The following AFG1L variants were observed in gnomAD, a reference collection of about 807,000 sequenced individuals.
AFG1L encodes AFG1 like ATPase.
In AFG1L, 53 loss-of-function variants were observed where a neutral mutation model predicts 62.2. The observed-to-expected ratio is 0.85, with a 90% CI of 0.68 to 1.07. The LOEUF (loss-of-function observed/expected upper bound fraction) is 1.07, where lower values mean the gene tolerates loss of function less well. Among genes scored for constraint, AFG1L ranks in the 50% least tolerant of loss-of-function variants. The probability of loss-of-function intolerance (pLI) is 0.00; values close to 1 mark genes in which losing one functional copy is unlikely to be tolerated. For synonymous variants in AFG1L, 228 were observed against 210.3 expected (o/e 1.08, Z -0.73); for missense variants, 555 against 590.5 (o/e 0.94, Z 0.62).
chr6:108,514,963 A>G (rs1774818492), intron 11 of AFG1L, among the ~76,000 whole-genome samples: 1 of 152,320 alleles, frequency 6.6e-6, no homozygotes, highest in Non-Finnish European at 1.5e-5. Context: ...CTAAATATAT[A>G]TGCACCCAAT....
intron 1 of AFG1L, among the ~76,000 whole-genome samples, chr6:108,313,072 T>G (rs553085358): frequency 9.8e-5 from 15 of 152,298 alleles, no homozygotes; most frequent in African/African-American, 3.6e-4. Flanking sequence ...AGAAGCTAAC[T>G]TCCCCATTAG....
chr6:108,417,289 A>AC lies in AFG1L; in HGVS notation c.807+15235_807+15236insC, dbSNP rs1562147803. ...ACGCACACACACACACACACACACA[A>AC]AAAAAAAACGGGGAAAAAAAGAAAA... On this transcript the variant is annotated intron_variant, in intron 7 of 12. Coordinates refer to ENST00000368977, the MANE Select transcript of AFG1L (RefSeq NM_145315.5). Among the ~76,000 whole-genome samples, 55 of 122,104 alleles carry AC rather than the reference A, an allele frequency of 4.5e-4. No homozygotes were observed. In the East Asian group the frequency reaches 4.9e-3, roughly 11 times the overall value. 80.1% of individuals were successfully genotyped at this position (122,104 alleles called of 152,430 possible). A position where few individuals can be genotyped will look rare whatever the true frequency, so the allele number is the denominator to read the frequency against.
intron 7 of AFG1L, among the ~76,000 whole-genome samples, chr6:108,402,599 GA>G (rs1408248247): frequency 6.6e-6 from 1 of 151,578 alleles, no homozygotes; most frequent in Non-Finnish European, 1.5e-5. Context: ...TGTGTACACT[GA>G]AAAAATTACA....
chr6:108,488,384 A>G (rs914517003), intron 10 of AFG1L, among the ~76,000 whole-genome samples: 4 of 152,182 alleles, frequency 2.6e-5, no homozygotes, highest in Admixed American at 1.3e-4. Flanking sequence ...CCAGAATGCT[A>G]TGGATGATCG....
At chr6:108,367,473 A>G (rs985425904) in intron 6 of AFG1L, among the ~76,000 whole-genome samples, 1 of 152,130 alleles carries the variant, frequency 6.6e-6, no homozygotes, top group Non-Finnish European at 1.5e-5. Flanking sequence ...TGGATGTACT[A>G]TATAGGCAGA....
At chr6:108,461,268 G>A (rs1269219162) in intron 8 of AFG1L, among the ~76,000 whole-genome samples, 1 of 152,206 alleles carries the variant, frequency 6.6e-6, no homozygotes, top group Non-Finnish European at 1.5e-5. Context: ...GAAGGGCTCT[G>A]TGGTGGGGAA....
At chr6:108,489,180 T>TAA (rs1773682857) in intron 10 of AFG1L, among the ~76,000 whole-genome samples, 1 of 152,104 alleles carries the variant, frequency 6.6e-6, no homozygotes, top group Non-Finnish European at 1.5e-5. Flanking sequence ...AAACCTGCTG[T>TAA]TTTTAGCTCG....
intron 1 of AFG1L, among the ~76,000 whole-genome samples, chr6:108,301,386 C>T (rs1222881961): frequency 6.6e-6 from 1 of 152,160 alleles, no homozygotes; most frequent in Non-Finnish European, 1.5e-5. Context: ...TCCCCCCACT[C>T]CCTTTTACAA....
At chr6:108,315,958 G>A (rs1221578478) in intron 1 of AFG1L, among the ~76,000 whole-genome samples, 2 of 152,090 alleles carry the variant, frequency 1.3e-5, no homozygotes. Context: ...GGAGGGGAAG[G>A]ATAGCTTGAG....
chr6:108,398,912 A>G (rs962920235), intron 6 of AFG1L, among the ~76,000 whole-genome samples: 1 of 152,120 alleles, frequency 6.6e-6, no homozygotes, highest in Non-Finnish European at 1.5e-5. Flanking sequence ...TTTACTCAGG[A>G]GAGCTTTGGC....
At chr6:108,333,046 T>C (rs1334683356) in intron 2 of AFG1L, among the ~76,000 whole-genome samples, 1 of 152,178 alleles carries the variant, frequency 6.6e-6, no homozygotes, top group East Asian at 1.9e-4. Context: ...AACTTCTAGT[T>C]AACAAAAGGT....
At position 108,441,709 on chromosome 6, in the gene AFG1L, A is replaced by AT. The variant is rs1270790054; in HGVS notation, c.808-5505_808-5504insT. On this transcript the variant is annotated intron_variant, in intron 7 of 12. Coordinates refer to ENST00000368977, the MANE Select transcript of AFG1L (RefSeq NM_145315.5). ...AAAATCTGAGGTTTATTTAAAAAAA[A>AT]AAAATATATATATATATATATAAAC... Among the ~76,000 whole-genome samples, 369 of 131,182 alleles carry AT rather than the reference A, an allele frequency of 2.8e-3. 2 individuals carry two copies. The highest frequency in any genetic ancestry group is 0.015 in the Middle Eastern group (4 of 262). The allele number at this position is 131,182 out of a possible 152,430, so 86.1% of individuals were successfully genotyped here.
intron 2 of AFG1L, among the ~76,000 whole-genome samples, chr6:108,335,869 A>G (rs1274446941): frequency 6.6e-6 from 1 of 152,204 alleles, no homozygotes; most frequent in East Asian, 1.9e-4. Context: ...AGTCATTTGC[A>G]TCTTTAAATT....
chr6:108,360,597 A>G (rs1779486732), intron 5 of AFG1L, among the ~76,000 whole-genome samples: 1 of 152,174 alleles, frequency 6.6e-6, no homozygotes, highest in South Asian at 2.1e-4. Context: ...TCCAACTTGA[A>G]TCTTGGAGAT....
chr6:108,400,695 ATATAT>A (rs1245169880), intron 6 of AFG1L, among the ~76,000 whole-genome samples: 1 of 96,922 alleles, frequency 1.0e-5, no homozygotes, highest in African/African-American at 3.6e-5. Context: ...ATAATTATAT[ATATAT>A]TATTATATAT....
At chr6:108,363,290 A>G (rs1779617153) in intron 5 of AFG1L, among the ~76,000 whole-genome samples, 2 of 151,986 alleles carry the variant, frequency 1.3e-5, no homozygotes, top group Non-Finnish European at 2.9e-5. Flanking sequence ...ATGTGTCACA[A>G]GAGTTTGCTG....
chr6:108,376,162 C>G (rs1042493360), intron 6 of AFG1L, among the ~76,000 whole-genome samples: 1 of 152,018 alleles, frequency 6.6e-6, no homozygotes, highest in African/African-American at 2.4e-5. Context: ...GGAATGTCAC[C>G]TTTGTCATTT....
chr6:108,516,164 A>G (rs1774879507), intron 11 of AFG1L, among the ~76,000 whole-genome samples: 1 of 152,262 alleles, frequency 6.6e-6, no homozygotes, highest in Non-Finnish European at 1.5e-5. Context: ...GGCCAGCATC[A>G]TCCTGATACC....
chr6:108,396,080 T>C (rs1313501518), intron 6 of AFG1L, among the ~76,000 whole-genome samples: 2 of 151,812 alleles, frequency 1.3e-5, no homozygotes, highest in South Asian at 4.2e-4. Flanking sequence ...GGTTTCCCTA[T>C]GTTGCCCAGG....
Sources: allele counts gnomAD v4.1 joint callset (sites outside exome capture counted in the v4.1 genomes callset), GRCh38; gene constraint gnomAD v4.1.1; transcripts MANE v1.5; gene names NCBI Gene and HGNC (gene_info 2026-07-23, HGNC 2026-07-21).